Variants in MGLL observed in about 807,000 individuals in gnomAD.
MGLL encodes the protein lysophospholipase homolog.
MGLL carries 7 observed loss-of-function variants against 29.1 expected under a neutral mutation model. The ratio of observed to expected loss-of-function variants is 0.24; its 90% CI spans 0.14 to 0.45. The LOEUF is 0.45. MGLL is among the 20% of genes least tolerant of loss of function. The pLI, the probability that MGLL is intolerant of heterozygous loss-of-function variation, is 0.99. For missense variants in MGLL, 356 were observed against 413.6 expected (o/e 0.86, Z 1.21); for synonymous variants, 148 against 168.3 (o/e 0.88, Z 0.93).
At chr3:127,727,698 C>T (rs185351270) in intron 3 of MGLL, among the ~76,000 whole-genome samples, 2 of 78,918 alleles carry the variant, frequency 2.5e-5, no homozygotes, top group East Asian at 6.7e-4. Flanking sequence ...GGCAACAGAG[C>T]AAGGCTAAAA....
chr3:127,740,152 C>G (rs999044778), intron 3 of MGLL, among the ~76,000 whole-genome samples: 3 of 152,238 alleles, frequency 2.0e-5, no homozygotes, highest in African/African-American at 7.2e-5. Context: ...TCTCCTAGTT[C>G]TCTTTTTAAA....
rs533821641 is a variant in MGLL at position 127,742,721 on chromosome 3, G to A, written c.263-20155C>T. On this transcript the variant is annotated intron_variant, in intron 3 of 7. Coordinates refer to ENST00000265052, the MANE Select transcript of MGLL (RefSeq NM_007283.7). ...GTTTTCTCTACCTTTGGTGGGGAGA[G>A]AGAGAGCCGTATCACTACTACACGT... Among the ~76,000 whole-genome samples, 37 of 152,092 alleles carry A rather than the reference G, an allele frequency of 2.4e-4. 2 individuals carry two copies. The South Asian group carries it at 3.9e-3, about 16-fold the overall frequency.
chr3:127,770,019 C>T (rs927843228), intron 3 of MGLL, among the ~76,000 whole-genome samples: 1 of 152,208 alleles, frequency 6.6e-6, no homozygotes, highest in Non-Finnish European at 1.5e-5. Context: ...CATAACTATC[C>T]TCCCTTGTAA....
At position 127,695,155 on chromosome 3, in the gene MGLL, C is replaced by T; in HGVS notation, c.636G>A (p.Arg212=). 6.2e-7 allele frequency: 1 copy of T among 1,614,162 alleles called. No individual in the cohort carries two copies. ...TGCCGAAGCACACCTTCAGCCCTGC[C>T]CGGCAGATCAGGGGGTCTGAGTTAT... The part of the protein sequence containing the change: ...DIYNSDPLIC[R]AGLKVCFGIQ... Residue 212 remains arginine (R), a synonymous_variant, in exon 7 of 8, where the codon CGG becomes CGA. Transcript: ENST00000265052.
chr3:127,759,192 T>C (rs534074421), intron 3 of MGLL, among the ~76,000 whole-genome samples: 2 of 152,320 alleles, frequency 1.3e-5, no homozygotes, highest in East Asian at 3.9e-4. Context: ...CCCAAAGTGC[T>C]GGGATTACAG....
At chr3:127,754,534 G>A (rs893999291) in intron 3 of MGLL, among the ~76,000 whole-genome samples, 3 of 152,206 alleles carry the variant, frequency 2.0e-5, no homozygotes, top group African/African-American at 4.8e-5. Context: ...CAGCAGTACC[G>A]CCTGTGTCCA....
rs1474419894 is a variant in MGLL at position 127,760,895 on chromosome 3, GC to G, written c.262+20893del. Among the ~76,000 whole-genome samples the G allele has an allele frequency of 3.3e-5, 5 of 152,228 alleles. No individual in the cohort carries two copies. In the South Asian group the frequency reaches 8.3e-4, roughly 25 times the overall value. On this transcript the variant is annotated intron_variant, in intron 3 of 7. Coordinates refer to ENST00000265052, the MANE Select transcript of MGLL (RefSeq NM_007283.7). The stretch of plus-strand genomic sequence containing the variant: ...GGGACGTTGCCTGCCTTACTCTGCT[GC>G]CGTAGGATTAAATGGGGTGATCCGT...
chr3:127,790,187 C>T (rs1211994524), intron 2 of MGLL, among the ~76,000 whole-genome samples: 1 of 152,358 alleles, frequency 6.6e-6, no homozygotes, highest in East Asian at 1.9e-4. Flanking sequence ...TCAGTTTCCT[C>T]ATCTGTGAAG....
rs545853423 is a variant in MGLL at position 127,696,396 on chromosome 3, C to CTTTTTTTTTTTTTTTTT, written c.601-1223_601-1207dup. 1.2e-4 allele frequency among the ~76,000 whole-genome samples: 6 copies of CTTTTTTTTTTTTTTTTT among 49,380 alleles called. 2 individuals are homozygous for CTTTTTTTTTTTTTTTTT. Among genetic ancestry groups the CTTTTTTTTTTTTTTTTT allele is most frequent in the Admixed American group, 3.5e-4 (1 of 2,852 alleles). 32.4% of individuals were successfully genotyped at this position (49,380 alleles called of 152,430 possible). A position where few individuals can be genotyped will look rare whatever the true frequency, so the allele number is the denominator to read the frequency against. On this transcript the variant is annotated intron_variant, in intron 6 of 7. Transcript: ENST00000265052. The stretch of plus-strand genomic sequence containing the variant: ...GGGCAGGAGTGAGCCCCTGATGCTT[C>CTTTTTTTTTTTTTTTTT]TTTTTTTTTTTTTTTTTTTTTTTTT...
At chr3:127,752,354 C>T (rs1284491950) in intron 3 of MGLL, among the ~76,000 whole-genome samples, 1 of 152,264 alleles carries the variant, frequency 6.6e-6, no homozygotes, top group African/African-American at 2.4e-5. Flanking sequence ...CCACCTCAGC[C>T]TCCCAAAGTG....
chr3:127,790,785 C>T (rs796553068), intron 2 of MGLL, among the ~76,000 whole-genome samples: 1 of 152,256 alleles, frequency 6.6e-6, no homozygotes, highest in East Asian at 1.9e-4. Flanking sequence ...ACCAGAATGC[C>T]TGGATTTCTA....
chr3:127,723,953 T>C (rs2075984720), intron 3 of MGLL, among the ~76,000 whole-genome samples: 1 of 152,124 alleles, frequency 6.6e-6, no homozygotes, highest in Non-Finnish European at 1.5e-5. Context: ...TCCAAATGAC[T>C]GGTGTCCTGT....
chr3:127,807,501 C>A (rs1043761390), intron 2 of MGLL, among the ~76,000 whole-genome samples: 1 of 151,814 alleles, frequency 6.6e-6, no homozygotes, highest in Admixed American at 6.6e-5. Context: ...TTTCTTCCTT[C>A]TGCTTGCTTT....
chr3:127,716,552 T>C (rs1317568614), intron 5 of MGLL, among the ~76,000 whole-genome samples: 1 of 152,262 alleles, frequency 6.6e-6, no homozygotes, highest in Non-Finnish European at 1.5e-5. Context: ...AACATCTTGA[T>C]GAGCAAGAGG....
intron 3 of MGLL, among the ~76,000 whole-genome samples, chr3:127,754,728 T>G (rs2076628647): frequency 6.6e-6 from 1 of 152,146 alleles, no homozygotes; most frequent in South Asian, 2.1e-4. Context: ...AAGCGTAGGC[T>G]TCACGCTGGA....
intron 2 of MGLL, among the ~76,000 whole-genome samples, chr3:127,783,226 TG>T (rs974305849): frequency 1.3e-5 from 2 of 151,130 alleles, no homozygotes; most frequent in Non-Finnish European, 2.9e-5. Context: ...ATTCAGAGTA[TG>T]TTGCCGCTGG....
chr3:127,752,131 C>T (rs558653715), intron 3 of MGLL, among the ~76,000 whole-genome samples: 20 of 151,048 alleles, frequency 1.3e-4, no homozygotes, highest in Admixed American at 1.2e-3. Context: ...GAGTTTCACT[C>T]TTCTTGCCTA....
rs1161773866 is a variant in MGLL at position 127,690,399 on chromosome 3, C to G, written c.*1799G>C. The G allele has an allele frequency of 6.6e-6, 1 of 152,286 alleles. No homozygotes were observed. Among genetic ancestry groups the G allele is most frequent in the Non-Finnish European group, 1.5e-5 (1 of 68,104 alleles). 9.4% of individuals were successfully genotyped at this position (152,286 alleles called of 1,614,324 possible). A position where few individuals can be genotyped will look rare whatever the true frequency, so the allele number is the denominator to read the frequency against. On this transcript the variant is annotated 3_prime_UTR_variant, in exon 8 of 8. Transcript: ENST00000265052. ...GTGGGGTGAGGGCTTGGCTCCTCCC[C>G]CAGGGCACAGAGTGATCTTCAGCAG... is the stretch of plus-strand genomic sequence containing the variant.
At chr3:127,766,443 C>T (rs899210426) in intron 3 of MGLL, among the ~76,000 whole-genome samples, 2 of 152,134 alleles carry the variant, frequency 1.3e-5, no homozygotes, top group East Asian at 1.9e-4. Context: ...CTCGTAGTGC[C>T]CCTGGCTCTT....
Sources: gnomAD v4.1 joint callset for allele counts (sites outside exome capture counted in the v4.1 genomes callset) on GRCh38, gnomAD v4.1.1 for gene constraint, MANE v1.5 for transcripts, NCBI Gene and HGNC (gene_info 2026-07-23, HGNC 2026-07-21) for gene names.